The following KDM4C variants were observed in gnomAD, a reference collection of about 807,000 sequenced individuals.
KDM4C encodes lysine demethylase 4C.
KDM4C carries 81 observed loss-of-function variants against 129.3 expected under a neutral mutation model. The observed-to-expected ratio is 0.63, with a 90% CI of 0.52 to 0.75. The LOEUF (loss-of-function observed/expected upper bound fraction) is 0.75, where lower values mean the gene tolerates loss of function less well. Among genes scored for constraint, KDM4C ranks in the 30% least tolerant of loss-of-function variants. The probability of loss-of-function intolerance (pLI) is 0.00; values close to 1 mark genes in which losing one functional copy is unlikely to be tolerated. For synonymous variants in KDM4C, 573 were observed against 456.1 expected (o/e 1.26, Z -3.26); for missense variants, 1,457 against 1,304.0 (o/e 1.12, Z -1.81).
chr9:7,163,027 C>T (rs1234035568), intron 19 of KDM4C, among the ~76,000 whole-genome samples: 1 of 152,078 alleles, frequency 6.6e-6, no homozygotes, highest in Non-Finnish European at 1.5e-5. Context: ...TGGAATTAGA[C>T]AGGCTTACCT....
At chr9:7,035,493 T>G (rs1035055387) in intron 15 of KDM4C, among the ~76,000 whole-genome samples, 4 of 151,660 alleles carry the variant, frequency 2.6e-5, no homozygotes, top group African/African-American at 9.7e-5. Context: ...TCGCTTGATA[T>G]ATCCCATTTG....
chr9:7,051,270 A>G (rs894036908), intron 17 of KDM4C, among the ~76,000 whole-genome samples: 1 of 152,142 alleles, frequency 6.6e-6, no homozygotes, highest in African/African-American at 2.4e-5. Flanking sequence ...TAATAGTTTG[A>G]CAGGGGCAAT....
intron 8 of KDM4C, among the ~76,000 whole-genome samples, chr9:6,968,374 C>T (rs1831371440): frequency 6.6e-6 from 1 of 152,010 alleles, no homozygotes; most frequent in African/African-American, 2.4e-5. Flanking sequence ...GGAAAGGAGA[C>T]CAAGATTACC....
chr9:6,802,109 A>T (rs1829103816), intron 2 of KDM4C, among the ~76,000 whole-genome samples: 1 of 152,026 alleles, frequency 6.6e-6, no homozygotes, highest in South Asian at 2.1e-4. Context: ...TTGTCTCAAA[A>T]AAAAAAAAAA....
chr9:6,787,325 G>C (rs1044602230), intron 1 of KDM4C, among the ~76,000 whole-genome samples: 1 of 152,140 alleles, frequency 6.6e-6, no homozygotes, highest in South Asian at 2.1e-4. Context: ...CTCCGCCCCC[G>C]GGGTTCAAGT....
At chr9:6,921,719 C>T (rs1032272280) in intron 8 of KDM4C, among the ~76,000 whole-genome samples, 5 of 152,176 alleles carry the variant, frequency 3.3e-5, no homozygotes, top group African/African-American at 4.8e-5. Flanking sequence ...CTTCCCATCT[C>T]GCTTCCATTA....
At chr9:7,062,220 G>A (rs1831794610) in intron 17 of KDM4C, among the ~76,000 whole-genome samples, 1 of 152,076 alleles carries the variant, frequency 6.6e-6, no homozygotes. Context: ...TGCCTGCCTT[G>A]GCCTCCCAAA....
intron 1 of KDM4C, among the ~76,000 whole-genome samples, chr9:6,766,750 T>C (rs771786004): frequency 1.3e-5 from 2 of 151,898 alleles, no homozygotes; most frequent in Non-Finnish European, 2.9e-5. Flanking sequence ...CCCCAGCTGA[T>C]GGGTAGTGCT....
At chr9:6,948,261 A>G (rs1827329684) in intron 8 of KDM4C, 1 of 152,222 alleles carries the variant, frequency 6.6e-6, no homozygotes, top group Non-Finnish European at 1.5e-5. Context: ...AAATTTGCAA[A>G]ACTACTTGAA....
intron 18 of KDM4C, among the ~76,000 whole-genome samples, chr9:7,118,529 T>A (rs1051406023): frequency 6.6e-6 from 1 of 152,178 alleles, no homozygotes. Context: ...TTTATTGCAA[T>A]CCTTGTAGAA....
chr9:7,150,085 A>G (rs540479037), intron 19 of KDM4C, among the ~76,000 whole-genome samples: 18 of 152,304 alleles, frequency 1.2e-4, no homozygotes, highest in Admixed American at 3.3e-4. Flanking sequence ...GTTTGGCTAC[A>G]CCACTCAACA....
At chr9:6,830,234 C>T (rs545578540) in intron 4 of KDM4C, among the ~76,000 whole-genome samples, 2 of 152,230 alleles carry the variant, frequency 1.3e-5, no homozygotes, top group African/African-American at 4.8e-5. Flanking sequence ...CCAGGATAAC[C>T]GTGTATAGAT....
chr9:7,008,834 C>T (rs1036169896), intron 12 of KDM4C, among the ~76,000 whole-genome samples: 10 of 152,186 alleles, frequency 6.6e-5, no homozygotes, highest in Non-Finnish European at 1.5e-4. Flanking sequence ...AGCAAGCCTA[C>T]CCTTGGACCA....
chr9:7,020,242 C>T (rs908024540), intron 15 of KDM4C, among the ~76,000 whole-genome samples: 5 of 152,150 alleles, frequency 3.3e-5, no homozygotes, highest in Non-Finnish European at 7.3e-5. Flanking sequence ...TGGCCCTATG[C>T]CCAACTTCAA....
chr9:6,782,932 A>C (rs1438620008), intron 1 of KDM4C, among the ~76,000 whole-genome samples: 5 of 152,188 alleles, frequency 3.3e-5, no homozygotes, highest in African/African-American at 4.8e-5. Context: ...TGGAGACTAG[A>C]GAATGGATGT....
intron 19 of KDM4C, among the ~76,000 whole-genome samples, chr9:7,131,420 T>A (rs890612500): frequency 2.6e-5 from 4 of 152,082 alleles, no homozygotes; most frequent in African/African-American, 4.8e-5. Context: ...GCGGAACCAA[T>A]AGGAGATACA....
chr9:6,814,631 A>G lies in KDM4C; in HGVS notation c.321A>G (p.Lys107=), dbSNP rs775432617. 6.9e-6 allele frequency: 11 copies of G among 1,584,956 alleles called. No homozygotes were observed. Among genetic ancestry groups the G allele is most frequent in the East Asian group, 4.5e-5 (2 of 44,226 alleles). The change falls in exon 4 of 22, where the codon AAA becomes AAG. Residue 107 remains lysine, a splice_region_variant and synonymous_variant. Transcript: ENST00000381309. ...CATTTTTGTCATCTACCTTTTACAG[A>G]TATTGTACTCCAAGATACTTGGATT... ...KEFRQLANSG[K]YCTPRYLDYE...
chr9:7,048,423 C>T (rs1034533923), intron 16 of KDM4C, among the ~76,000 whole-genome samples: 3 of 151,880 alleles, frequency 2.0e-5, no homozygotes, highest in African/African-American at 7.3e-5. Flanking sequence ...CCTCATGATT[C>T]TTTATATTTA....
intron 8 of KDM4C, among the ~76,000 whole-genome samples, chr9:6,961,255 T>G (rs569000784): frequency 2.6e-5 from 4 of 152,348 alleles, no homozygotes; most frequent in African/African-American, 9.6e-5. Flanking sequence ...GGCTTGATAA[T>G]TATCCAGTGG....
Sources: allele counts gnomAD v4.1 joint callset (sites outside exome capture counted in the v4.1 genomes callset), GRCh38; gene constraint gnomAD v4.1.1; transcripts MANE v1.5; gene names NCBI Gene and HGNC (gene_info 2026-07-23, HGNC 2026-07-21).